ZNF722: variants seen among roughly 807,000 people sequenced by gnomAD.
The protein encoded by ZNF722 is zinc finger protein 722, also known as zinc finger protein 479 pseudogene.
the ZNF722 span, chr7:64,005,715 A>C: frequency 2.5e-6 from 4 of 1,575,170 alleles, no homozygotes; most frequent in Non-Finnish European, 3.5e-6. Flanking sequence ...ATGTTAGAGA[A>C]CTACAGAAAC....
At chr7:64,005,671 G>A in the ZNF722 span, 5 of 1,500,732 alleles carry the variant, frequency 3.3e-6, no homozygotes, top group Non-Finnish European at 4.6e-6. Context: ...GGCAATGCCT[G>A]GATTGTGCTC....
the ZNF722 span, among the ~76,000 whole-genome samples, chr7:64,002,055 G>T: frequency 6.6e-6 from 1 of 151,904 alleles, no homozygotes; most frequent in Admixed American, 6.6e-5. Flanking sequence ...GCTAATTTTT[G>T]TATTTTTAGT....
chr7:63,998,931 G>A, the ZNF722 span: 3 of 1,572,652 alleles, frequency 1.9e-6, no homozygotes, highest in African/African-American at 2.7e-5. Context: ...AAGCCTCTGT[G>A]GCCTTGTGTC....
At chr7:64,015,460 A>G in the ZNF722 span, 2 of 1,610,792 alleles carry the variant, frequency 1.2e-6, no homozygotes, top group Admixed American at 3.3e-5. Context: ...ACTACACATA[A>G]AAGAATTCAT....
the ZNF722 span, among the ~76,000 whole-genome samples, chr7:64,012,281 G>A: frequency 5.7e-3 from 864 of 152,200 alleles, 39 homozygotes; most frequent in East Asian, 0.097. Flanking sequence ...CTGTCAACTC[G>A]TCAAAGTCAT....
At chr7:64,005,886 T>A in the ZNF722 span, 2 of 802,160 alleles carry the variant, frequency 2.5e-6, no homozygotes, top group Non-Finnish European at 3.8e-6. Context: ...AACAGATTCT[T>A]CACGATGTTT....
the ZNF722 span, among the ~76,000 whole-genome samples, chr7:64,014,194 C>A: frequency 6.6e-6 from 1 of 151,654 alleles, no homozygotes; most frequent in African/African-American, 2.4e-5. Flanking sequence ...TTCACTTATT[C>A]TTTTTTACTT....
At chr7:64,016,710 A>G in the ZNF722 span, among the ~76,000 whole-genome samples, 1 of 152,156 alleles carries the variant, frequency 6.6e-6, no homozygotes, top group African/African-American at 2.4e-5. Flanking sequence ...AATGTGGCAA[A>G]GCCTTTAACT....
the ZNF722 span, chr7:64,006,174 A>T: frequency 3.0e-6 from 3 of 1,010,918 alleles, no homozygotes; most frequent in Non-Finnish European, 4.2e-6. Context: ...TAGTTTGGTA[A>T]TTAAAGAATT....
At chr7:64,006,883 A>T in the ZNF722 span, among the ~76,000 whole-genome samples, 1 of 151,128 alleles carries the variant, frequency 6.6e-6, no homozygotes. Context: ...CTGTGGGGGG[A>T]TATGCAAGCA....
chr7:64,007,066 T>C, the ZNF722 span, among the ~76,000 whole-genome samples: 9 of 151,698 alleles, frequency 5.9e-5, no homozygotes, highest in Non-Finnish European at 1.0e-4. Context: ...TCAATTTCTT[T>C]ACATCATCAA....
chr7:64,013,517 G>T, the ZNF722 span, among the ~76,000 whole-genome samples: 22 of 151,046 alleles, frequency 1.5e-4, no homozygotes, highest in African/African-American at 5.1e-4. Flanking sequence ...TTTTAAACTG[G>T]TAAAAAAAAA....
At chr7:64,006,525 A>G in the ZNF722 span, among the ~76,000 whole-genome samples, 3 of 152,156 alleles carry the variant, frequency 2.0e-5, no homozygotes, top group African/African-American at 7.2e-5. Flanking sequence ...TTCCACTTCA[A>G]TAATCTTTCT....
At chr7:63,999,729 G>A in the ZNF722 span, among the ~76,000 whole-genome samples, 6 of 151,978 alleles carry the variant, frequency 3.9e-5, no homozygotes, top group Admixed American at 1.3e-4. Context: ...AGGGAGTCTC[G>A]CTCTGTCACC....
At chr7:63,998,866 G>A in the ZNF722 span, 31 of 1,383,824 alleles carry the variant, frequency 2.2e-5, no homozygotes, top group East Asian at 4.9e-4. Context: ...GCTTCTCTGC[G>A]TCCCGAGCTC....
At chr7:64,004,455 T>TATAA in the ZNF722 span, among the ~76,000 whole-genome samples, 23 of 132,602 alleles carry the variant, frequency 1.7e-4, no homozygotes, top group Non-Finnish European at 2.4e-4. Flanking sequence ...TATATATATA[T>TATAA]AAAATTAAAT....
At chr7:64,010,185 A>G in the ZNF722 span, among the ~76,000 whole-genome samples, 25 of 152,098 alleles carry the variant, frequency 1.6e-4, no homozygotes, top group Middle Eastern at 6.3e-3. Context: ...GATCTGTTCA[A>G]AAAGCCAGCT....
the ZNF722 span, among the ~76,000 whole-genome samples, chr7:64,003,373 G>C: frequency 6.6e-6 from 1 of 152,174 alleles, no homozygotes; most frequent in East Asian, 1.9e-4. Context: ...CCGTGGGTGT[G>C]TGTGGCGGTA....
chr7:64,004,426 A>AAAAAAAAATATATATATATATG, the ZNF722 span, among the ~76,000 whole-genome samples: 23 of 47,650 alleles, frequency 4.8e-4, no homozygotes, highest in South Asian at 1.3e-3. Context: ...AAAAAAAAAA[A>AAAAAAAAATATATATATATATG]TATATATATA....
Sources: allele counts gnomAD v4.1 joint callset (sites outside exome capture counted in the v4.1 genomes callset), GRCh38; gene constraint gnomAD v4.1.1; transcripts MANE v1.5; gene names NCBI Gene and HGNC (gene_info 2026-07-23, HGNC 2026-07-21).